Variants in RBFOX3 observed in about 807,000 individuals in gnomAD.
RBFOX3 encodes RNA binding fox-1 homolog 3.
RBFOX3 carries 17 observed loss-of-function variants against 48.7 expected under a neutral mutation model. The ratio of observed to expected loss-of-function variants is 0.35; its 90% CI spans 0.24 to 0.52. RBFOX3 has a LOEUF of 0.52. Among genes scored for constraint, RBFOX3 ranks in the 20% least tolerant of loss-of-function variants. The pLI, the probability that RBFOX3 is intolerant of heterozygous loss-of-function variation, is 0.94. For synonymous variants in RBFOX3, 212 were observed against 209.5 expected (o/e 1.01, Z -0.10); for missense variants, 382 against 497.5 (o/e 0.77, Z 2.21).
chr17:79,284,489 G>A (rs962649478), intron 3 of RBFOX3, among the ~76,000 whole-genome samples: 4 of 151,330 alleles, frequency 2.6e-5, no homozygotes, highest in Non-Finnish European at 5.9e-5. Context: ...GGAGCTGAAG[G>A]CTCAGAGCAG....
rs797033619 is a variant in RBFOX3 at position 79,486,012 on chromosome 17, C to T, written c.-319-3414G>A. ...ACGGGCCTATGGCCCCCTCCGCGTG[C>T]GCTCCTGTACCCCACGCCCCACCCC... On this transcript the variant is annotated intron_variant, in intron 1 of 14. Transcript: ENST00000693108. Among the ~76,000 whole-genome samples, 618 of 152,384 alleles carry T rather than the reference C, an allele frequency of 4.1e-3. 4 individuals are homozygous for T. Among genetic ancestry groups the T allele is most frequent in the Middle Eastern group, 0.02 (6 of 294 alleles).
chr17:79,595,148 G>C (rs1306091205), intron 1 of RBFOX3, among the ~76,000 whole-genome samples: 1 of 151,926 alleles, frequency 6.6e-6, no homozygotes, highest in East Asian at 1.9e-4. Context: ...AGAGCCATCG[G>C]TATTGAGAGA....
intron 2 of RBFOX3, among the ~76,000 whole-genome samples, chr17:79,399,433 A>G (rs1215400412): frequency 6.6e-6 from 1 of 152,042 alleles, no homozygotes; most frequent in African/African-American, 2.4e-5. Flanking sequence ...GCTTTCATGA[A>G]GGGTTTTCCT....
the RBFOX3 span, among the ~76,000 whole-genome samples, chr17:79,634,574 T>C: frequency 1.3e-5 from 2 of 152,172 alleles, no homozygotes; most frequent in African/African-American, 4.8e-5. Flanking sequence ...TGTCCGACTC[T>C]GTCTAAAGAC....
intron 4 of RBFOX3, among the ~76,000 whole-genome samples, chr17:79,169,029 A>G (rs1484140597): frequency 6.6e-6 from 1 of 152,098 alleles, no homozygotes; most frequent in Admixed American, 6.5e-5. Context: ...CTCTCGCCAC[A>G]CTGCCGCTGA....
rs918878332 is a variant in RBFOX3, at chr17:79,097,308, T to C, written c.739A>G (p.Ile247Val). 1.9e-6 allele frequency: 3 copies of C among 1,541,456 alleles called. No individual in the cohort carries two copies. The highest frequency in any genetic ancestry group is 1.4e-5 in the African/African-American group (1 of 72,478). The change falls in exon 11 of 15, where the codon ATC becomes GTC. Residue 247 changes from isoleucine to valine, a missense_variant. Ile to Val is a conservative substitution (Grantham distance 29). This residue lies in a region of RBFOX3 where 215 missense variants were observed against 254.8 expected (regional missense o/e 0.84). Coordinates refer to ENST00000693108, the MANE Select transcript of RBFOX3 (RefSeq NM_001350451.2). ...TFRAAPPPPP[I>V]PTYGAALEQT... The stretch of plus-strand genomic sequence containing the variant: ...GGTACTCACGCTCCGTAAGTCGGGA[T>C]GGGGGGTGGGGGTGGCGCAGCCCGA...
At chr17:79,233,059 G>C (rs376303343) in intron 4 of RBFOX3, among the ~76,000 whole-genome samples, 10 of 152,318 alleles carry the variant, frequency 6.6e-5, no homozygotes, top group African/African-American at 2.2e-4. Context: ...CATATTCACA[G>C]CAGCTTTATT....
At position 79,199,563 on chromosome 17, in the gene RBFOX3, C is replaced by A. The variant is rs2056392515; in HGVS notation, c.-34+36203G>T. The stretch of plus-strand genomic sequence containing the variant: ...TGACCTCTGTGGTGGGAACAGGTGA[C>A]CTAGAACACACTGGTTTGGTCCCAG... On this transcript the variant is annotated intron_variant, in intron 4 of 14. Transcript: ENST00000693108. This position sits in a 1 kb window ranked among gnomAD's most constrained non-coding sequence, Gnocchi z 5.1. 6.6e-6 allele frequency among the ~76,000 whole-genome samples: 1 copy of A among 152,118 alleles called. No individual in the cohort carries two copies. The highest frequency in any genetic ancestry group is 1.5e-5 in the Non-Finnish European group (1 of 68,022).
At chr17:79,661,196 G>A in the RBFOX3 span, among the ~76,000 whole-genome samples, 1 of 152,058 alleles carries the variant, frequency 6.6e-6, no homozygotes, top group Non-Finnish European at 1.5e-5. Flanking sequence ...GTGATGGGAC[G>A]AGCTGTGCAG....
chr17:79,340,689 T>A (rs1157384312), intron 2 of RBFOX3, among the ~76,000 whole-genome samples: 1 of 151,896 alleles, frequency 6.6e-6, no homozygotes, highest in African/African-American at 2.4e-5. Flanking sequence ...GCACTTGCAG[T>A]TTTTCATGAC....
At chr17:79,593,034 G>T (rs910308481) in intron 1 of RBFOX3, among the ~76,000 whole-genome samples, 23 of 152,202 alleles carry the variant, frequency 1.5e-4, no homozygotes, top group African/African-American at 5.1e-4. Context: ...GGAGGTGGGG[G>T]TCAGGGAAGG....
intron 4 of RBFOX3, among the ~76,000 whole-genome samples, chr17:79,115,960 C>T (rs2033826854): frequency 6.6e-6 from 1 of 152,162 alleles, no homozygotes; most frequent in Non-Finnish European, 1.5e-5. Flanking sequence ...GCTCTGGAGT[C>T]AGACACCCCT....
intron 14 of RBFOX3, chr17:79,091,879 G>A (rs1274925046): frequency 1.5e-5 from 12 of 812,130 alleles, no homozygotes; most frequent in Non-Finnish European, 1.8e-5. Flanking sequence ...CTAAGGAGTC[G>A]CAGAGACTGG....
At chr17:79,503,774 C>G (rs904775869) in intron 1 of RBFOX3, among the ~76,000 whole-genome samples, 2 of 152,192 alleles carry the variant, frequency 1.3e-5, no homozygotes, top group African/African-American at 4.8e-5. Flanking sequence ...TGTCTTCTGC[C>G]CGGCTCTCCT....
Position 79,412,190 on chromosome 17 carries a change from G to A in RBFOX3, c.-175+70264C>T, listed in dbSNP as rs370731571. Among the ~76,000 whole-genome samples the A allele has an allele frequency of 9.2e-3, 1,403 of 152,098 alleles. 20 individuals carry two copies. Among genetic ancestry groups the A allele is most frequent in the African/African-American group, 0.032 (1,337 of 41,480 alleles). ...AGTGTGTATGCACATATGTGTATAT[G>A]TGTGAGGGCATAGTGTGTATGTGTG... On this transcript the variant is annotated intron_variant, in intron 2 of 14. Transcript: ENST00000693108.
intron 12 of RBFOX3, among the ~76,000 whole-genome samples, chr17:79,096,083 T>C (rs1366474171): frequency 6.6e-6 from 1 of 152,210 alleles, no homozygotes; most frequent in East Asian, 1.9e-4. Flanking sequence ...GATGATGTCC[T>C]GGCCTCAAAT....
At chr17:79,660,899 A>G in the RBFOX3 span, among the ~76,000 whole-genome samples, 4 of 152,236 alleles carry the variant, frequency 2.6e-5, no homozygotes, top group Non-Finnish European at 1.5e-5. Context: ...TCAATCACAG[A>G]TTGGATAAAG....
chr17:79,563,488 T>C (rs938112846), intron 1 of RBFOX3, among the ~76,000 whole-genome samples: 22 of 152,370 alleles, frequency 1.4e-4, no homozygotes, highest in African/African-American at 5.3e-4. Context: ...GCACATTTGA[T>C]TTCATGGCAT....
At chr17:79,489,240 T>TAAAAAAAAAAAAAAAAAAAAAAA (rs71161671) in intron 1 of RBFOX3, among the ~76,000 whole-genome samples, 1 of 126,510 alleles carries the variant, frequency 7.9e-6, no homozygotes, top group Non-Finnish European at 1.6e-5. Context: ...GCCAGAAAGT[T>TAAAAAAAAAAAAAAAAAAAAAAA]AAAAAAAAAA....
Sources: gnomAD v4.1 joint callset for allele counts (sites outside exome capture counted in the v4.1 genomes callset) on GRCh38, gnomAD v4.1.1 for gene constraint, gnomAD v4.1.1 regional missense constraint, Gnocchi (gnomAD v3.1) non-coding constraint, MANE v1.5 for transcripts, NCBI Gene and HGNC (gene_info 2026-07-23, HGNC 2026-07-21) for gene names.